VPS13B: variants seen among roughly 807,000 people sequenced by gnomAD.
VPS13B encodes intermembrane lipid transfer protein VPS13B.
VPS13B carries 285 observed loss-of-function variants against 426.4 expected under a neutral mutation model. The ratio of observed to expected loss-of-function variants is 0.67; its 90% CI spans 0.61 to 0.74. The LOEUF (loss-of-function observed/expected upper bound fraction) is 0.74. Ranked by LOEUF, VPS13B falls within the 30% of genes least tolerant of loss-of-function variation. VPS13B has a pLI of 0.00. For synonymous variants in VPS13B, 1,676 were observed against 1,676.4 expected (o/e 1.00, Z 0.01); for missense variants, 4,537 against 4,782.6 (o/e 0.95, Z 1.51).
At chr8:99,810,039 C>T (rs1206702682) in intron 44 of VPS13B, among the ~76,000 whole-genome samples, 4 of 152,152 alleles carry the variant, frequency 2.6e-5, no homozygotes, top group African/African-American at 9.7e-5. Flanking sequence ...AGTAAAAATT[C>T]ACTGCAGCCT....
intron 16 of VPS13B, among the ~76,000 whole-genome samples, chr8:99,177,103 A>G (rs1812673915): frequency 1.3e-5 from 2 of 152,214 alleles, no homozygotes; most frequent in South Asian, 4.1e-4. Context: ...ATTAGCAAGG[A>G]AGTGATGAGT....
chr8:99,711,707 T>G (rs1832716049), intron 36 of VPS13B, among the ~76,000 whole-genome samples: 1 of 152,250 alleles, frequency 6.6e-6, no homozygotes, highest in African/African-American at 2.4e-5. Context: ...TTAGAAATGT[T>G]CTGGGATGTC....
At chr8:99,141,993 C>T (rs1422300153) in intron 12 of VPS13B, among the ~76,000 whole-genome samples, 1 of 151,816 alleles carries the variant, frequency 6.6e-6, no homozygotes, top group Non-Finnish European at 1.5e-5. Flanking sequence ...GCGGAGCTTT[C>T]AGTGAGCCGA....
intron 35 of VPS13B, among the ~76,000 whole-genome samples, chr8:99,686,348 T>C (rs1369721754): frequency 6.6e-6 from 1 of 150,702 alleles, no homozygotes; most frequent in Non-Finnish European, 1.5e-5. Flanking sequence ...CACCCAAGGC[T>C]CATGATAACC....
rs117259780 is a variant in VPS13B at position 99,146,518 on chromosome 8, C to T, written c.1844-1323C>T. 1.4e-4 allele frequency among the ~76,000 whole-genome samples: 21 copies of T among 152,230 alleles called. No homozygotes were observed. The East Asian group carries it at 3.9e-3, about 28-fold the overall frequency. On this transcript the variant is annotated intron_variant, in intron 13 of 61. Coordinates refer to ENST00000357162, the MANE Select transcript of VPS13B (RefSeq NM_152564.5). ...GAACATTTGCTTAGGTTAGAAATAA[C>T]CTCATTATAACTTTCATTTACATAT...
At chr8:99,231,502 C>G (rs990315016) in intron 17 of VPS13B, among the ~76,000 whole-genome samples, 2 of 152,028 alleles carry the variant, frequency 1.3e-5, no homozygotes, top group African/African-American at 4.8e-5. Flanking sequence ...GTCATCTTTT[C>G]TTTTTTAATA....
rs148243602 is a variant in VPS13B, at chr8:99,604,072, C to G, written c.5220+26439C>G. ...TAAATTCAGGCCACAAGGACTGAAC[C>G]TCAAATTTGGCTCTAAACTTCTTGG... On this transcript the variant is annotated intron_variant, in intron 33 of 61. Coordinates refer to ENST00000357162, the MANE Select transcript of VPS13B (RefSeq NM_152564.5). 9.9e-5 allele frequency among the ~76,000 whole-genome samples: 15 copies of G among 152,176 alleles called. No homozygotes were observed. In the East Asian group the frequency reaches 2.9e-3, roughly 29 times the overall value.
intron 29 of VPS13B, among the ~76,000 whole-genome samples, chr8:99,516,267 G>A (rs1395095326): frequency 6.6e-6 from 1 of 152,076 alleles, no homozygotes; most frequent in Non-Finnish European, 1.5e-5. Flanking sequence ...CCATTTTAAA[G>A]TGTAGATAAT....
At chr8:99,420,346 A>G (rs1213957274) in intron 21 of VPS13B, among the ~76,000 whole-genome samples, 3 of 152,146 alleles carry the variant, frequency 2.0e-5, no homozygotes, top group Admixed American at 1.3e-4. Context: ...AATCATTGAC[A>G]TCATTATTCA....
At chr8:99,721,175 G>C in intron 39 of VPS13B, 128 bp downstream of exon 39, 1 of 938,818 alleles carries the variant, frequency 1.1e-6, no homozygotes, top group South Asian at 1.4e-5. Flanking sequence ...ACATCTGTGT[G>C]TGTGGTGTGT....
At chr8:99,211,683 A>G (rs546377138) in intron 17 of VPS13B, among the ~76,000 whole-genome samples, 1 of 151,840 alleles carries the variant, frequency 6.6e-6, no homozygotes, top group Non-Finnish European at 1.5e-5. Context: ...AGGCTGAGGC[A>G]GGAGAATCAC....
At chr8:99,540,020 T>C (rs1374223640) in intron 30 of VPS13B, among the ~76,000 whole-genome samples, 4 of 946 alleles carry the variant, frequency 4.2e-3, no homozygotes, top group Non-Finnish European at 7.1e-3. Flanking sequence ...AAATTATATA[T>C]ATATATATAT....
chr8:99,193,544 A>G (rs1813720494), intron 17 of VPS13B, among the ~76,000 whole-genome samples: 1 of 152,154 alleles, frequency 6.6e-6, no homozygotes, highest in South Asian at 2.1e-4. Flanking sequence ...TCACTATAAG[A>G]GATATCTTCA....
chr8:99,709,324 A>G (rs1360750963), intron 36 of VPS13B, among the ~76,000 whole-genome samples: 2 of 152,228 alleles, frequency 1.3e-5, no homozygotes, highest in Admixed American at 6.5e-5. Flanking sequence ...TGTAGACACT[A>G]GGAGCCTTAC....
At chr8:99,523,148 G>A (rs909763231) in intron 30 of VPS13B, among the ~76,000 whole-genome samples, 1 of 152,154 alleles carries the variant, frequency 6.6e-6, no homozygotes, top group Admixed American at 6.5e-5. Flanking sequence ...GGGGAGGGAA[G>A]AGTGGGAAAG....
At chr8:99,433,675 A>G (rs1298691829) in intron 22 of VPS13B, among the ~76,000 whole-genome samples, 2 of 152,232 alleles carry the variant, frequency 1.3e-5, no homozygotes, top group African/African-American at 4.8e-5. Flanking sequence ...GTAATGAAGT[A>G]TATCAGAAAG....
chr8:99,681,280 T>C lies in VPS13B; in HGVS notation c.6047-18245T>C, dbSNP rs180719345. The stretch of plus-strand genomic sequence containing the variant: ...GAATACCTGGTATTACAATATAGCC[T>C]AATTTCAACTGCTTTTTTGGTTCTT... On this transcript the variant is annotated intron_variant, in intron 35 of 61. Coordinates refer to ENST00000357162, the MANE Select transcript of VPS13B (RefSeq NM_152564.5). 1.7e-3 allele frequency among the ~76,000 whole-genome samples: 261 copies of C among 152,338 alleles called. 2 individuals carry two copies. Among genetic ancestry groups the C allele is most frequent in the South Asian group, 5.8e-3 (28 of 4,832 alleles).
At chr8:99,702,253 C>G (rs893535575) in intron 36 of VPS13B, among the ~76,000 whole-genome samples, 3 of 152,088 alleles carry the variant, frequency 2.0e-5, no homozygotes, top group Non-Finnish European at 4.4e-5. Flanking sequence ...TTTAGTATAT[C>G]TTTGAGCTCA....
rs1401486894 is a variant in VPS13B, at chr8:99,156,811, TTTTCTTGATGTTGTAA to T, written c.2208+73_2208+88del. On this transcript the variant is annotated intron_variant, in intron 15 of 61. Transcript: ENST00000357162. ...TTTGGGATCATCAGATAAGTTTCTTTTTTCTTGATGTTGTAATTTCAGAGAAATAGTACTCTAAAAG... is the reference window on the plus strand; with the variant it reads ...TTTGGGATCATCAGATAAGTTTCTTTTTTCAGAGAAATAGTACTCTAAAAG... 18 of 1,499,446 alleles carry T rather than the reference TTTTCTTGATGTTGTAA, an allele frequency of 1.2e-5. No individual in the cohort carries two copies. The African/African-American group carries it at 2.2e-4, about 18-fold the overall frequency. The allele number at this position is 1,499,446 out of a possible 1,614,324, so 92.9% of individuals were successfully genotyped here. A position where few individuals can be genotyped will look rare whatever the true frequency, so the allele number is the denominator to read the frequency against.
Sources: allele counts gnomAD v4.1 joint callset (sites outside exome capture counted in the v4.1 genomes callset), GRCh38; gene constraint gnomAD v4.1.1; transcripts MANE v1.5; gene names NCBI Gene and HGNC (gene_info 2026-07-23, HGNC 2026-07-21).